GPBP1: variants seen among roughly 807,000 people sequenced by gnomAD.
GPBP1 encodes GC-rich promoter binding protein 1.
In GPBP1, 13 loss-of-function variants were observed where a neutral mutation model predicts 56.5. The observed-to-expected ratio is 0.23, with a 90% CI of 0.15 to 0.37. The LOEUF is 0.37. Among genes scored for constraint, GPBP1 ranks in the 10% least tolerant of loss-of-function variants. The pLI is 1.00. For synonymous variants in GPBP1, 204 were observed against 188.9 expected, an observed-to-expected ratio of 1.08 and a Z score of -0.66; for missense variants, 477 against 572.3, an observed-to-expected ratio of 0.83 and a Z score of 1.70.
chr5:57,179,824 C>G (rs1159986570), intron 2 of GPBP1, among the ~76,000 whole-genome samples: 1 of 152,152 alleles, frequency 6.6e-6, no homozygotes, highest in African/African-American at 2.4e-5. Flanking sequence ...TCTCAAACTC[C>G]TAACTTCAGA....
intron 2 of GPBP1, among the ~76,000 whole-genome samples, chr5:57,210,051 C>G (rs928337924): frequency 1.3e-5 from 2 of 152,102 alleles, no homozygotes; most frequent in African/African-American, 4.8e-5. Flanking sequence ...CTGATGAAAT[C>G]AATTTGAGTA....
Position 57,225,003 on chromosome 5 carries a change from A to G in GPBP1, c.64-5843A>G, listed in dbSNP as rs1041483272. Among the ~76,000 whole-genome samples, 24 of 151,982 alleles carry G rather than the reference A, an allele frequency of 1.6e-4. 1 individual carries two copies. Among genetic ancestry groups the G allele is most frequent in the Admixed American group, 1.5e-3 (23 of 15,232 alleles). ...AATTACATAAAAATGCCCCCATCTCATTCACATCTTACCTCCCCAGATGAA... is the reference window on the plus strand; with the variant it reads ...AATTACATAAAAATGCCCCCATCTCGTTCACATCTTACCTCCCCAGATGAA... On this transcript the variant is annotated intron_variant, in intron 3 of 11. Coordinates refer to ENST00000506184, the MANE Select transcript of GPBP1 (RefSeq NM_022913.4).
intron 3 of GPBP1, among the ~76,000 whole-genome samples, chr5:57,219,398 A>AAAAAAAAAAAAAAAAAC (rs1755838614): frequency 1.4e-5 from 1 of 69,772 alleles, no homozygotes; most frequent in Non-Finnish European, 2.2e-5. Flanking sequence ...AAAAAAAAAA[A>AAAAAAAAAAAAAAAAAC]AAAAACCAAA....
At chr5:57,207,564 C>T (rs756679127) in intron 2 of GPBP1, among the ~76,000 whole-genome samples, 2 of 152,202 alleles carry the variant, frequency 1.3e-5, no homozygotes, top group Non-Finnish European at 2.9e-5. Flanking sequence ...TCTAGCCATC[C>T]ATAGGCGGCT....
chr5:57,253,426 A>G (rs1198064906), intron 10 of GPBP1, among the ~76,000 whole-genome samples: 1 of 152,196 alleles, frequency 6.6e-6, no homozygotes, highest in African/African-American at 2.4e-5. Context: ...CTAGAACCTC[A>G]TTTAATTCTA....
At chr5:57,222,972 T>G (rs1756016007) in intron 3 of GPBP1, among the ~76,000 whole-genome samples, 1 of 152,162 alleles carries the variant, frequency 6.6e-6, no homozygotes, top group Non-Finnish European at 1.5e-5. Context: ...CAGAATTGCT[T>G]ATGTAGTGTA....
In GPBP1 at chr5:57,262,680, T is replaced by C. The variant is rs1353643120; in HGVS notation, c.1350T>C (p.Thr450=). ...AGTTTGGACCGTGGAAGAACAGCAC[T>C]TTCAAACCCACAACTGAGAATGATG... ...DFKFGPWKNS[T]FKPTTENDDT... Residue 450 remains threonine, a synonymous_variant, in exon 12 of 12, where the codon ACT becomes ACC. Transcript: ENST00000506184. 6.2e-7 allele frequency: 1 copy of C among 1,613,784 alleles called. No homozygotes were observed. Among genetic ancestry groups the C allele is most frequent in the East Asian group, 2.2e-5 (1 of 44,866 alleles).
At chr5:57,178,842 C>G (rs1349999751) in intron 2 of GPBP1, among the ~76,000 whole-genome samples, 2 of 152,170 alleles carry the variant, frequency 1.3e-5, no homozygotes, top group Non-Finnish European at 2.9e-5. Context: ...TTCCTTTTAT[C>G]TTTTCTACTC....
At chr5:57,177,859 C>A (rs902434423) in intron 2 of GPBP1, among the ~76,000 whole-genome samples, 1 of 151,800 alleles carries the variant, frequency 6.6e-6, no homozygotes, top group Non-Finnish European at 1.5e-5. Context: ...TTGTCAGTTG[C>A]TTATTTTGAA....
Position 57,263,305 on chromosome 5 carries a change from A to AC in GPBP1, c.*554dup, listed in dbSNP as rs1006489002. ...AAAGTGCACTAAAACAATTTCCTGA[A>AC]CTCACCTGTTGTACTATTCACCTTT... is the stretch of plus-strand genomic sequence containing the variant. On this transcript the variant is annotated 3_prime_UTR_variant, in exon 12 of 12. Coordinates refer to ENST00000506184, the MANE Select transcript of GPBP1 (RefSeq NM_022913.4). 2 of 152,332 alleles carry AC rather than the reference A, an allele frequency of 1.3e-5. No homozygotes were observed. The highest frequency in any genetic ancestry group is 4.8e-5 in the African/African-American group (2 of 41,456). 9.4% of individuals were successfully genotyped at this position (152,332 alleles called of 1,614,324 possible). A position where few individuals can be genotyped will look rare whatever the true frequency, so the allele number is the denominator to read the frequency against.
intron 2 of GPBP1, among the ~76,000 whole-genome samples, chr5:57,187,473 C>T (rs55766487): frequency 0.026 from 3,940 of 152,136 alleles, 155 homozygotes; most frequent in African/African-American, 0.089. Flanking sequence ...CCTATGGTAT[C>T]GTTGGTGCTG....
chr5:57,238,752 T>C (rs1030135909), intron 6 of GPBP1, among the ~76,000 whole-genome samples: 2 of 152,134 alleles, frequency 1.3e-5, no homozygotes, highest in South Asian at 2.1e-4. Flanking sequence ...TTCTTCCAAC[T>C]CAGCATTTAT....
chr5:57,257,887 G>T (rs1362949259), intron 10 of GPBP1, among the ~76,000 whole-genome samples: 1 of 152,202 alleles, frequency 6.6e-6, no homozygotes, highest in Non-Finnish European at 1.5e-5. Context: ...TTTGTTTTAA[G>T]GGTGTTGAGT....
chr5:57,262,822 A>G lies in GPBP1; in HGVS notation c.*70A>G. ...CATACAGTTTGGGGTGAATTGTAAA[A>G]ATGAAGAACTATAATTTATGTAGTG... On this transcript the variant is annotated 3_prime_UTR_variant, in exon 12 of 12. Coordinates refer to ENST00000506184, the MANE Select transcript of GPBP1 (RefSeq NM_022913.4). 7.3e-7 allele frequency: 1 copy of G among 1,375,556 alleles called. No individual in the cohort carries two copies. The highest frequency in any genetic ancestry group is 1.0e-6 in the Non-Finnish European group (1 of 992,342). 85.2% of individuals were successfully genotyped at this position (1,375,556 alleles called of 1,614,324 possible). A position where few individuals can be genotyped will look rare whatever the true frequency, so the allele number is the denominator to read the frequency against.
intron 2 of GPBP1, among the ~76,000 whole-genome samples, chr5:57,189,846 T>A (rs1478304970): frequency 6.6e-6 from 1 of 152,212 alleles, no homozygotes. Flanking sequence ...ACACGAGACA[T>A]TTTTCTTTAT....
chr5:57,177,792 C>T (rs1753856717), intron 2 of GPBP1, among the ~76,000 whole-genome samples: 2 of 151,638 alleles, frequency 1.3e-5, no homozygotes, highest in Non-Finnish European at 2.9e-5. Context: ...TGAGCCCACG[C>T]GCCCGGCTGA....
intron 2 of GPBP1, among the ~76,000 whole-genome samples, chr5:57,184,919 TATTTC>T (rs1754218993): frequency 6.6e-6 from 1 of 152,224 alleles, no homozygotes; most frequent in African/African-American, 2.4e-5. Flanking sequence ...TTGATGTTTT[TATTTC>T]ATTTTATTTA....
At chr5:57,241,206 G>T (rs1740810302) in intron 6 of GPBP1, among the ~76,000 whole-genome samples, 1 of 152,172 alleles carries the variant, frequency 6.6e-6, no homozygotes, top group Non-Finnish European at 1.5e-5. Flanking sequence ...TATGGAGAGT[G>T]TAGTGAAAGG....
intron 3 of GPBP1, among the ~76,000 whole-genome samples, chr5:57,229,968 G>GTCCCATCCCA (rs928682604): frequency 6.8e-6 from 1 of 147,486 alleles, no homozygotes; most frequent in Admixed American, 6.7e-5. Context: ...GTCCCGTCCC[G>GTCCCATCCCA]TCCCTTCTCA....
Sources: gnomAD v4.1 joint callset for allele counts (sites outside exome capture counted in the v4.1 genomes callset) on GRCh38, gnomAD v4.1.1 for gene constraint, MANE v1.5 for transcripts, NCBI Gene and HGNC (gene_info 2026-07-23, HGNC 2026-07-21) for gene names.